The following EYA4 variants were observed in gnomAD, a reference collection of about 807,000 sequenced individuals.
EYA4 encodes EYA transcriptional coactivator and phosphatase 4.
Under a neutral mutation model 87.9 loss-of-function variants are expected in EYA4, and 31 were observed. The observed-to-expected ratio is 0.35, with a 90% CI of 0.27 to 0.48. The LOEUF (loss-of-function observed/expected upper bound fraction) is 0.48. Ranked by LOEUF, EYA4 falls within the 20% of genes least tolerant of loss-of-function variation. The probability of loss-of-function intolerance (pLI) is 0.99; values close to 1 mark genes in which losing one functional copy is unlikely to be tolerated. For synonymous variants in EYA4, 263 were observed against 270.6 expected, an observed-to-expected ratio of 0.97 and a Z score of 0.28; for missense variants, 678 against 761.4, an observed-to-expected ratio of 0.89 and a Z score of 1.29.
chr6:133,373,792 A>T lies in EYA4; in HGVS notation c.34-8600A>T, dbSNP rs1268184596. Among the ~76,000 whole-genome samples the T allele has an allele frequency of 2.0e-5, 3 of 152,178 alleles. No homozygotes were observed. In the East Asian group the frequency reaches 5.8e-4, roughly 29 times the overall value. ...TATCATGCACATTTGTGAGGAAAAA[A>T]ATTCTTTTAGCGCTTATGTATAGTA... On this transcript the variant is annotated intron_variant, in intron 2 of 19. Coordinates refer to ENST00000355286, the MANE Select transcript of EYA4 (RefSeq NM_004100.5).
intron 2 of EYA4, among the ~76,000 whole-genome samples, chr6:133,294,780 C>T (rs1778826040): frequency 6.6e-6 from 1 of 151,862 alleles, no homozygotes; most frequent in Admixed American, 6.6e-5. Flanking sequence ...GGGGTTTCAC[C>T]ACGTTGGCCA....
At chr6:133,264,342 C>T (rs1776034860) in intron 1 of EYA4, among the ~76,000 whole-genome samples, 1 of 152,224 alleles carries the variant, frequency 6.6e-6, no homozygotes, top group African/African-American at 2.4e-5. Flanking sequence ...CTGATTTCTT[C>T]TGAGGACAGG....
chr6:133,481,350 T>C, intron 11 of EYA4, 113 bp from the exon 12 acceptor site: 1 of 1,015,368 alleles, frequency 9.8e-7, no homozygotes, highest in Middle Eastern at 3.1e-4. Context: ...ATCTCTTTTT[T>C]GCCATCAGGA....
At chr6:133,294,532 G>C (rs923430280) in intron 2 of EYA4, among the ~76,000 whole-genome samples, 2 of 150,386 alleles carry the variant, frequency 1.3e-5, no homozygotes, top group African/African-American at 4.9e-5. Context: ...CTTGCCCTTT[G>C]TGTTGTCATT....
chr6:133,270,087 A>G (rs1049945767), intron 1 of EYA4, among the ~76,000 whole-genome samples: 3 of 152,206 alleles, frequency 2.0e-5, no homozygotes, highest in Non-Finnish European at 4.4e-5. Flanking sequence ...TTAAGGGTGG[A>G]TCTGCCTTCT....
intron 19 of EYA4, among the ~76,000 whole-genome samples, chr6:133,526,557 G>A (rs191244775): frequency 3.5e-4 from 54 of 152,284 alleles, no homozygotes; most frequent in Middle Eastern, 6.8e-3. Context: ...CTTGCTTTTC[G>A]ATTACATTTA....
chr6:133,483,097 T>C lies in EYA4; in HGVS notation c.1173T>C (p.Tyr391=). 6.2e-7 allele frequency: 1 copy of C among 1,612,154 alleles called. No individual in the cohort carries two copies. The highest frequency in any genetic ancestry group is 1.7e-4 in the Middle Eastern group (1 of 6,052). The change falls in exon 13 of 20, where the codon TAT becomes TAC. Residue 391 remains tyrosine (Y), a synonymous_variant. Coordinates refer to ENST00000355286, the MANE Select transcript of EYA4 (RefSeq NM_004100.5). ...IVFHSLLTGS[Y]AQKYGKDPPM... ...TTCACTCACTGCTCACCGGGTCTTA[T>C]GCACAGAAGTATGGCAAGGTAAGAA... is the stretch of plus-strand genomic sequence containing the variant.
intron 2 of EYA4, among the ~76,000 whole-genome samples, chr6:133,281,649 G>A (rs530139311): frequency 6.6e-6 from 1 of 152,086 alleles, no homozygotes; most frequent in Non-Finnish European, 1.5e-5. Context: ...TCAGGGGTAC[G>A]TGTGCAGGTT....
intron 2 of EYA4, among the ~76,000 whole-genome samples, chr6:133,372,901 G>A (rs1045579305): frequency 2.6e-5 from 4 of 151,750 alleles, no homozygotes; most frequent in Non-Finnish European, 5.9e-5. Flanking sequence ...ATACTATTGG[G>A]CACATTAGGA....
In EYA4 at chr6:133,513,043, G is replaced by C; in HGVS notation, c.1501+5G>C. The C allele has an allele frequency of 6.2e-7, 1 of 1,613,414 alleles. No homozygotes were observed. The highest frequency in any genetic ancestry group is 8.5e-7 in the Non-Finnish European group (1 of 1,179,416). On this transcript the variant is annotated splice_donor_5th_base_variant and intron_variant, in intron 16 of 19. Coordinates refer to ENST00000355286, the MANE Select transcript of EYA4 (RefSeq NM_004100.5). ...CCTACAAGAACAACGTTGGAGGTATGTGTGGCTTTTTCAATCTAACAAAGG... is the reference window on the plus strand; with the variant it reads ...CCTACAAGAACAACGTTGGAGGTATCTGTGGCTTTTTCAATCTAACAAAGG...
At chr6:133,515,725 A>T (rs974763298) in intron 17 of EYA4, among the ~76,000 whole-genome samples, 1 of 151,982 alleles carries the variant, frequency 6.6e-6, no homozygotes, top group African/African-American at 2.4e-5. Flanking sequence ...ATCTCTTCTC[A>T]TAGCAACTGA....
rs1283835268 is a variant in EYA4, at chr6:133,462,381, G to A, written c.484G>A (p.Ala162Thr). The A allele has an allele frequency of 6.2e-7, 1 of 1,614,038 alleles. No individual in the cohort carries two copies. Among genetic ancestry groups the A allele is most frequent in the East Asian group, 2.2e-5 (1 of 44,872 alleles). The change falls in exon 8 of 20, where the codon GCC becomes ACC. Residue 162 changes from alanine to threonine, a missense_variant. Coordinates refer to ENST00000355286, the MANE Select transcript of EYA4 (RefSeq NM_004100.5). Reference sequence around the variant, plus strand: ...TACACCAGCAGCTCAAACAATGTCTGCCTATGCAGGCCAGACTCAGTATTC... The same window carrying A: ...TACACCAGCAGCTCAAACAATGTCTACCTATGCAGGCCAGACTCAGTATTC... ...LSTPAAQTMSAYAGQTQYSGM... is the reference protein window; with the variant it reads ...LSTPAAQTMSTYAGQTQYSGM...
chr6:133,359,468 T>C (rs1025177269), intron 2 of EYA4, among the ~76,000 whole-genome samples: 1 of 152,266 alleles, frequency 6.6e-6, no homozygotes, highest in East Asian at 1.9e-4. Context: ...TTTTTCTGTC[T>C]GCTGTTGGGT....
intron 1 of EYA4, among the ~76,000 whole-genome samples, chr6:133,273,098 T>TATATATATATATATATATATATATAA (rs1554213959): frequency 1.2e-5 from 1 of 83,098 alleles, no homozygotes; most frequent in African/African-American, 7.6e-5. Context: ...TATATATATG[T>TATATATATATATATATATATATATAA]ATATATATAT....
rs71003634 is a variant in EYA4, at chr6:133,332,711, ATTTTTTTTTTT to A, written c.34-49666_34-49656del. 2.2e-4 allele frequency among the ~76,000 whole-genome samples: 28 copies of A among 124,888 alleles called. 1 individual carries two copies. The highest frequency in any genetic ancestry group is 6.4e-4 in the African/African-American group (21 of 32,774). The allele number at this position is 124,888 out of a possible 152,430, so 81.9% of individuals were successfully genotyped here. A position where few individuals can be genotyped will look rare whatever the true frequency, so the allele number is the denominator to read the frequency against. On this transcript the variant is annotated intron_variant, in intron 2 of 19. Coordinates refer to ENST00000355286, the MANE Select transcript of EYA4 (RefSeq NM_004100.5). ...GGCATGTGCCACCACGCCCAGCTAAATTTTTTTTTTTTTTTTTTTTTTTTTGTATTTTAGCA... is the reference window on the plus strand; with the variant it reads ...GGCATGTGCCACCACGCCCAGCTAAATTTTTTTTTTTTTTGTATTTTAGCA...
intron 2 of EYA4, among the ~76,000 whole-genome samples, chr6:133,325,052 A>C (rs1309896380): frequency 2.0e-5 from 3 of 151,854 alleles, no homozygotes. Flanking sequence ...CTGGGACTAC[A>C]GTCGCCCACC....
At position 133,402,802 on chromosome 6, in the gene EYA4, A is replaced by G. The variant is rs540000620; in HGVS notation, c.83+20361A>G. 3.3e-5 allele frequency among the ~76,000 whole-genome samples: 5 copies of G among 152,334 alleles called. No homozygotes were observed. The South Asian group carries it at 8.3e-4, about 25-fold the overall frequency. On this transcript the variant is annotated intron_variant, in intron 3 of 19. Coordinates refer to ENST00000355286, the MANE Select transcript of EYA4 (RefSeq NM_004100.5). ...ACAGAATGAATCTATTTGCAAATGT[A>G]GTAAATTCCCATGTTTATAGAGAAA...
intron 2 of EYA4, among the ~76,000 whole-genome samples, chr6:133,317,992 T>C (rs900648073): frequency 6.6e-6 from 1 of 152,080 alleles, no homozygotes; most frequent in African/African-American, 2.4e-5. Flanking sequence ...TCCACCCTCT[T>C]ATACAAGTGC....
At chr6:133,309,138 T>A (rs1365659284) in intron 2 of EYA4, among the ~76,000 whole-genome samples, 1 of 152,040 alleles carries the variant, frequency 6.6e-6, no homozygotes, top group Non-Finnish European at 1.5e-5. Context: ...TGTGTATAAT[T>A]TTGCTATGCT....
Sources: gnomAD v4.1 joint callset for allele counts (sites outside exome capture counted in the v4.1 genomes callset) on GRCh38, gnomAD v4.1.1 for gene constraint, MANE v1.5 for transcripts, NCBI Gene and HGNC (gene_info 2026-07-23, HGNC 2026-07-21) for gene names.